Variants in CDK6 observed in about 807,000 individuals in gnomAD.
CDK6 encodes the protein cyclin dependent kinase 6.
A neutral mutation model predicts 37.1 loss-of-function variants in CDK6; 6 were observed. The ratio of observed to expected loss-of-function variants is 0.16; its 90% CI spans 0.09 to 0.32. The LOEUF (loss-of-function observed/expected upper bound fraction) is 0.32. CDK6 is among the 10% of genes least tolerant of loss of function. The pLI is 1.00. For synonymous variants in CDK6, 160 were observed against 161.3 expected, an observed-to-expected ratio of 0.99 and a Z score of 0.06; for missense variants, 224 against 418.9, an observed-to-expected ratio of 0.53 and a Z score of 4.06.
At chr7:92,761,310 T>C (rs914005790) in intron 3 of CDK6, among the ~76,000 whole-genome samples, 1 of 152,162 alleles carries the variant, frequency 6.6e-6, no homozygotes, top group Admixed American at 6.5e-5. Context: ...CACATATCTT[T>C]TGAAACTATA....
chr7:92,712,116 C>T (rs1310282326), intron 4 of CDK6, among the ~76,000 whole-genome samples: 15 of 150,762 alleles, frequency 9.9e-5, no homozygotes, highest in Admixed American at 6.6e-4. Flanking sequence ...GCCGAGAGAG[C>T]GCCACTGCAG....
At chr7:92,717,002 A>G (rs1048438820) in intron 4 of CDK6, among the ~76,000 whole-genome samples, 2 of 152,098 alleles carry the variant, frequency 1.3e-5, no homozygotes, top group African/African-American at 4.8e-5. Context: ...CTTTATATCC[A>G]GTTTGGCCTC....
chr7:92,779,114 G>A (rs569017217), intron 2 of CDK6, among the ~76,000 whole-genome samples: 1 of 152,072 alleles, frequency 6.6e-6, no homozygotes, highest in African/African-American at 2.4e-5. Context: ...TCATCTCACT[G>A]AAACCGTTTT....
intron 4 of CDK6, among the ~76,000 whole-genome samples, chr7:92,687,925 A>G (rs1797500495): frequency 6.6e-6 from 1 of 152,184 alleles, no homozygotes; most frequent in South Asian, 2.1e-4. Context: ...ATAATATGTA[A>G]AAACTGTGTA....
At chr7:92,799,648 G>C (rs183226163) in intron 2 of CDK6, among the ~76,000 whole-genome samples, 1 of 152,172 alleles carries the variant, frequency 6.6e-6, no homozygotes, top group African/African-American at 2.4e-5. Flanking sequence ...GGTTGGCATG[G>C]GTGAACAAGT....
At chr7:92,801,543 C>A (rs937160480) in intron 2 of CDK6, among the ~76,000 whole-genome samples, 4 of 152,108 alleles carry the variant, frequency 2.6e-5, no homozygotes, top group Non-Finnish European at 4.4e-5. Flanking sequence ...CTGAACTGCT[C>A]CCTCCACCAT....
intron 5 of CDK6, among the ~76,000 whole-genome samples, chr7:92,663,154 G>A (rs1230033157): frequency 1.3e-5 from 2 of 152,218 alleles, no homozygotes; most frequent in East Asian, 3.9e-4. Flanking sequence ...GGAAGTAAGA[G>A]GGAAGAAAGA....
At chr7:92,766,822 A>G (rs1279913549) in intron 3 of CDK6, among the ~76,000 whole-genome samples, 1 of 152,258 alleles carries the variant, frequency 6.6e-6, no homozygotes, top group African/African-American at 2.4e-5. Context: ...AGCATTTTCT[A>G]AAGAGATTCT....
At chr7:92,753,090 C>G (rs541932511) in intron 3 of CDK6, among the ~76,000 whole-genome samples, 1 of 152,158 alleles carries the variant, frequency 6.6e-6, no homozygotes, top group African/African-American at 2.4e-5. Context: ...CAAATTGTGA[C>G]CTTATTAAGT....
At chr7:92,812,141 AAAAAC>A (rs543908138) in intron 2 of CDK6, among the ~76,000 whole-genome samples, 10 of 152,328 alleles carry the variant, frequency 6.6e-5, no homozygotes, top group East Asian at 1.9e-4. Context: ...TCCAACTCAA[AAAAAC>A]AAAACAAAAC....
At chr7:92,670,461 T>C (rs1334220214) in intron 5 of CDK6, among the ~76,000 whole-genome samples, 1 of 152,064 alleles carries the variant, frequency 6.6e-6, no homozygotes, top group African/African-American at 2.4e-5. Context: ...AAAGATACAA[T>C]GGGAATATAC....
chr7:92,661,565 T>C (rs1796835801), intron 5 of CDK6, among the ~76,000 whole-genome samples: 1 of 152,218 alleles, frequency 6.6e-6, no homozygotes, highest in African/African-American at 2.4e-5. Context: ...AAGGAAATGT[T>C]ATTAAGAAAA....
At chr7:92,759,436 C>T (rs1027462357) in intron 3 of CDK6, among the ~76,000 whole-genome samples, 3 of 152,108 alleles carry the variant, frequency 2.0e-5, no homozygotes, top group Admixed American at 6.6e-5. Flanking sequence ...GGCATATAGG[C>T]TCACAGGACG....
rs1795488723 is a variant in CDK6, at chr7:92,608,672, T to C, written c.*6468A>G. The stretch of plus-strand genomic sequence containing the variant: ...AACTTTCGGAGAATTGTGTTGTACT[T>C]ATTTATGCACAGAAGACACCCGTTT... On this transcript the variant is annotated 3_prime_UTR_variant, in exon 8 of 8. Transcript: ENST00000424848. 4.3e-6 allele frequency: 1 copy of C among 231,368 alleles called. No homozygotes were observed. The highest frequency in any genetic ancestry group is 8.6e-6 in the Non-Finnish European group (1 of 116,916). The allele number at this position is 231,368 out of a possible 1,614,324, so 14.3% of individuals were successfully genotyped here.
chr7:92,735,090 C>T (rs1798752833), intron 3 of CDK6, among the ~76,000 whole-genome samples: 1 of 152,112 alleles, frequency 6.6e-6, no homozygotes, highest in Non-Finnish European at 1.5e-5. Flanking sequence ...GGACTATTGG[C>T]CAAATCCCCT....
chr7:92,800,998 A>G (rs115296961), intron 2 of CDK6, among the ~76,000 whole-genome samples: 2,702 of 152,316 alleles, frequency 0.018, 81 homozygotes, highest in African/African-American at 0.061. Context: ...GTAACTTCCG[A>G]AATGATGGAT....
At chr7:92,646,647 C>T (rs998895484) in intron 5 of CDK6, among the ~76,000 whole-genome samples, 12 of 151,896 alleles carry the variant, frequency 7.9e-5, no homozygotes, top group Non-Finnish European at 1.5e-4. Context: ...ATCTGCCCAC[C>T]TTGGCCTCCC....
chr7:92,696,232 A>G (rs1371476429), intron 4 of CDK6, among the ~76,000 whole-genome samples: 1 of 152,190 alleles, frequency 6.6e-6, no homozygotes, highest in African/African-American at 2.4e-5. Context: ...TGGGCTTCCT[A>G]TTGGGATCTC....
intron 5 of CDK6, among the ~76,000 whole-genome samples, chr7:92,647,467 T>A (rs1313850380): frequency 6.6e-6 from 1 of 152,194 alleles, no homozygotes; most frequent in Non-Finnish European, 1.5e-5. Flanking sequence ...TCCAGGCAGA[T>A]GACTCCAGGA....
Sources: gnomAD v4.1 joint callset for allele counts (sites outside exome capture counted in the v4.1 genomes callset) on GRCh38, gnomAD v4.1.1 for gene constraint, MANE v1.5 for transcripts, NCBI Gene and HGNC (gene_info 2026-07-23, HGNC 2026-07-21) for gene names.